The following MFGE8 variants were observed in gnomAD, a reference collection of about 807,000 sequenced individuals.
MFGE8 encodes lactadherin.
A neutral mutation model predicts 42.6 loss-of-function variants in MFGE8; 34 were observed. That is an observed-to-expected ratio of 0.80 (90% CI 0.61 to 1.06). The LOEUF is 1.06. Ranked by LOEUF, MFGE8 falls within the 50% of genes least tolerant of loss-of-function variation. The pLI is 0.00. For missense variants in MFGE8, 510 were observed against 516.9 expected, an observed-to-expected ratio of 0.99 and a Z score of 0.13; for synonymous variants, 230 against 214.8, an observed-to-expected ratio of 1.07 and a Z score of -0.62.
chr15:88,905,849 G>T lies in MFGE8; in HGVS notation c.593C>A (p.Thr198Asn), dbSNP rs201870481. 6.2e-7 allele frequency: 1 copy of T among 1,614,196 alleles called. No homozygotes were observed. The highest frequency in any genetic ancestry group is 8.5e-7 in the Non-Finnish European group (1 of 1,180,030). The change falls in exon 5 of 8, where the codon ACC (threonine) becomes AAC (asparagine). Residue 198 changes from threonine to asparagine, a missense_variant. Thr to Asn is a moderately conservative substitution (Grantham distance 65). Coordinates refer to ENST00000268150, the MANE Select transcript of MFGE8 (RefSeq NM_005928.4). The surrounding 1 kb of genome is among the most constrained non-coding windows in gnomAD (Gnocchi z 6.6). ...TCTCACGTACTGAGCCTCCACAGGG[G>T]TCTCAAACAGGTTGACATGCACCGC... Reference protein sequence around the residue: ...KNAVHVNLFETPVEAQYVRLY... With the variant: ...KNAVHVNLFENPVEAQYVRLY...
In MFGE8 at chr15:88,903,735, T is replaced by G. The variant is rs1898537824; in HGVS notation, c.686-2000A>C. On this transcript the variant is annotated intron_variant, in intron 5 of 7. Coordinates refer to ENST00000268150, the MANE Select transcript of MFGE8 (RefSeq NM_005928.4). The surrounding 1 kb of genome is among the most constrained non-coding windows in gnomAD (Gnocchi z 4.9). ...GATCTCCTGACCTCAGGTGATCCGC[T>G]CGCCTCGGCCTCCCAAAGTGCTGGG... 6.6e-6 allele frequency: 1 copy of G among 152,168 alleles called. No individual in the cohort carries two copies. The allele number at this position is 152,168 out of a possible 1,614,324, so 9.4% of individuals were successfully genotyped here. A position where few individuals can be genotyped will look rare whatever the true frequency, so the allele number is the denominator to read the frequency against.
At chr15:88,912,747 G>A (rs1899025990) in intron 1 of MFGE8, 1 of 985,354 alleles carries the variant, frequency 1.0e-6, no homozygotes, top group African/African-American at 1.7e-5. Context: ...CCGACTCCCC[G>A]GCCCTTCCCT....
rs1427835660 is a variant in MFGE8 at position 88,909,809 on chromosome 15, C to T, written c.188G>A (p.Gly63Asp). 5 of 1,614,082 alleles carry T rather than the reference C, an allele frequency of 3.1e-6. No homozygotes were observed. In the Admixed American group the frequency reaches 6.7e-5, roughly 22 times the overall value. Reference sequence around the variant, plus strand: ...ATACTCACTCGTCTCACAGTGGTTGCCCGCGTAGCCCTTAAGGCACGTGCA... The same window carrying T: ...ATACTCACTCGTCTCACAGTGGTTGTCCGCGTAGCCCTTAAGGCACGTGCA... ...YTCTCLKGYA[G>D]NHCETKCVEP... is the part of the protein sequence containing the mutation. Residue 63 changes from glycine to aspartate, a missense_variant, in exon 2 of 8, where the codon GGC becomes GAC. Coordinates refer to ENST00000268150, the MANE Select transcript of MFGE8 (RefSeq NM_005928.4).
chr15:88,908,726 C>T lies in MFGE8; in HGVS notation c.205+1066G>A, dbSNP rs144828080. The stretch of plus-strand genomic sequence containing the variant: ...CCCAGGGCTCTGATTGCCTTAGCAA[C>T]CCGTCCGCCAAACCATACACACACC... On this transcript the variant is annotated intron_variant, in intron 2 of 7. Transcript: ENST00000268150. 1.6e-3 allele frequency among the ~76,000 whole-genome samples: 246 copies of T among 152,304 alleles called. 1 individual carries two copies. The highest frequency in any genetic ancestry group is 0.014 in the East Asian group (74 of 5,174).
chr15:88,906,876 G>T lies in MFGE8; in HGVS notation c.388-98C>A. On this transcript the variant is annotated intron_variant, in intron 3 of 7. Transcript: ENST00000268150. The surrounding 1 kb of genome is among the most constrained non-coding windows in gnomAD (Gnocchi z 4.2). ...CCCTTCACTCCCCCACTGGGTGGGGGAACAACTCAAGCAAAACAGAGGAGG... is the reference window on the plus strand; with the variant it reads ...CCCTTCACTCCCCCACTGGGTGGGGTAACAACTCAAGCAAAACAGAGGAGG... 1 of 1,478,602 alleles carries T rather than the reference G, an allele frequency of 6.8e-7. No homozygotes were observed. The highest frequency in any genetic ancestry group is 9.4e-7 in the Non-Finnish European group (1 of 1,064,100). The allele number at this position is 1,478,602 out of a possible 1,614,324, so 91.6% of individuals were successfully genotyped here.
rs555536294 is a variant in MFGE8, at chr15:88,902,614, G to C, written c.686-879C>G. 6.6e-6 allele frequency: 1 copy of C among 152,294 alleles called. No individual in the cohort carries two copies. Among genetic ancestry groups the C allele is most frequent in the South Asian group, 2.1e-4 (1 of 4,836 alleles). The allele number at this position is 152,294 out of a possible 1,614,324, so 9.4% of individuals were successfully genotyped here. ...CACACAGGCCTGTGAGGGCTGGCCC[G>C]GGAAGCTGGCCTTTGTTTCACTCAG... On this transcript the variant is annotated intron_variant, in intron 5 of 7. Coordinates refer to ENST00000268150, the MANE Select transcript of MFGE8 (RefSeq NM_005928.4). The surrounding 1 kb of genome is among the most constrained non-coding windows in gnomAD (Gnocchi z 4.3).
Position 88,907,333 on chromosome 15 carries a change from G to T in MFGE8, c.249C>A (p.Asn83Lys). 6.2e-7 allele frequency: 1 copy of T among 1,614,200 alleles called. No homozygotes were observed. The highest frequency in any genetic ancestry group is 8.5e-7 in the Non-Finnish European group (1 of 1,180,022). ...PLGLENGNIA[N>K]SQIAASSVRV... ...GCACAGACGAGGCGGCGATCTGTGA[G>T]TTGGCAATGTTCCCATTCTCCAGGC... The change falls in exon 3 of 8, where the codon AAC (asparagine) becomes AAA (lysine). Residue 83 changes from asparagine (N) to lysine (K), a missense_variant. Asn to Lys is a moderately conservative substitution (Grantham distance 94). Transcript: ENST00000268150.
intron 6 of MFGE8, among the ~76,000 whole-genome samples, chr15:88,901,018 C>CAT (rs1270610074): frequency 8.0e-6 from 1 of 124,788 alleles, no homozygotes; most frequent in African/African-American, 3.0e-5. Context: ...CACACACACA[C>CAT]ATTCTCACAC....
intron 6 of MFGE8, among the ~76,000 whole-genome samples, chr15:88,900,102 C>T (rs1898289437): frequency 6.6e-6 from 1 of 152,028 alleles, no homozygotes; most frequent in African/African-American, 2.4e-5. Context: ...ATTAGCTGGG[C>T]ATGATGGTGG....
rs1185775143 is a variant in MFGE8 at position 88,905,151 on chromosome 15, T to C, written c.685+606A>G. 2.0e-5 allele frequency among the ~76,000 whole-genome samples: 3 copies of C among 152,192 alleles called. No homozygotes were observed. The highest frequency in any genetic ancestry group is 4.4e-5 in the Non-Finnish European group (3 of 68,034). On this transcript the variant is annotated intron_variant, in intron 5 of 7. Coordinates refer to ENST00000268150, the MANE Select transcript of MFGE8 (RefSeq NM_005928.4). This position sits in a 1 kb window ranked among gnomAD's most constrained non-coding sequence, Gnocchi z 6.6. Reference sequence around the variant, plus strand: ...CAGGAAGCACCAGCTCCAAGCCCTGTGGTCCAAGAAGCCCCTGTGTTTCTC... The same window carrying C: ...CAGGAAGCACCAGCTCCAAGCCCTGCGGTCCAAGAAGCCCCTGTGTTTCTC...
chr15:88,912,584 G>A (rs894823591), intron 1 of MFGE8: 42 of 985,268 alleles, frequency 4.3e-5, no homozygotes, highest in Admixed American at 1.2e-4. Context: ...GGCCTCCTGG[G>A]AGGCGGAGGA....
intron 1 of MFGE8, chr15:88,910,197 G>C: frequency 2.5e-6 from 1 of 404,718 alleles, no homozygotes; most frequent in Non-Finnish European, 4.7e-6. Flanking sequence ...AATGGCAGTG[G>C]TGCTGGGGAC....
chr15:88,901,517 A>AAACCCAAAAAGCGGGCC, intron 6 of MFGE8, 34 bp downstream of exon 6: 2 of 1,072,614 alleles, frequency 1.9e-6, no homozygotes, highest in African/African-American at 1.6e-5. Flanking sequence ...ATCCCACCCA[A>AAACCCAAAAAGCGGGCC]CCCCAGCCCC....
At position 88,905,713 on chromosome 15, in the gene MFGE8, G is replaced by C; in HGVS notation, c.685+44C>G. The C allele has an allele frequency of 6.2e-7, 1 of 1,612,876 alleles. No homozygotes were observed. The highest frequency in any genetic ancestry group is 8.5e-7 in the Non-Finnish European group (1 of 1,179,632). ...AGGCAGCAGGGAGGGCCACCTCCTAGGATTGGCCAACAGTGCCCCCCTACC... is the reference window on the plus strand; with the variant it reads ...AGGCAGCAGGGAGGGCCACCTCCTACGATTGGCCAACAGTGCCCCCCTACC... On this transcript the variant is annotated intron_variant, in intron 5 of 7. Coordinates refer to ENST00000268150, the MANE Select transcript of MFGE8 (RefSeq NM_005928.4). This position sits in a 1 kb window ranked among gnomAD's most constrained non-coding sequence, Gnocchi z 6.6.
At position 88,907,220 on chromosome 15, in the gene MFGE8, C is replaced by T. The variant is rs148576512; in HGVS notation, c.362G>A (p.Ser121Asn). The change falls in exon 3 of 8, where the codon AGC becomes AAC. Residue 121 changes from serine (S) to asparagine (N), a missense_variant. Coordinates refer to ENST00000268150, the MANE Select transcript of MFGE8 (RefSeq NM_005928.4). ...AGMVNAWTPS[S>N]NDDNPWIQVN... The stretch of plus-strand genomic sequence containing the variant: ...CTGGATCCAGGGGTTATCGTCATTG[C>T]TGCTGGGTGTCCAGGCATTGACCAT... 2 of 1,613,960 alleles carry T rather than the reference C, an allele frequency of 1.2e-6. No individual in the cohort carries two copies. Among genetic ancestry groups the T allele is most frequent in the East Asian group, 2.2e-5 (1 of 44,864 alleles).
intron 1 of MFGE8, chr15:88,910,871 C>T (rs529871703): frequency 3.3e-5 from 5 of 152,230 alleles, no homozygotes; most frequent in African/African-American, 1.2e-4. Flanking sequence ...TTCCTTCACC[C>T]TCCTCACCAT....
At chr15:88,901,108 TTC>T (rs1567214304) in intron 6 of MFGE8, among the ~76,000 whole-genome samples, 2 of 72,138 alleles carry the variant, frequency 2.8e-5, no homozygotes, top group South Asian at 9.9e-4. Flanking sequence ...CAAATACACA[TTC>T]ACACATACAC....
At chr15:88,909,448 C>A (rs557858444) in intron 2 of MFGE8, among the ~76,000 whole-genome samples, 1 of 152,310 alleles carries the variant, frequency 6.6e-6, no homozygotes, top group East Asian at 1.9e-4. Flanking sequence ...TGCAACTTAA[C>A]CCTAATGCTG....
chr15:88,899,545 C>T lies in MFGE8; in HGVS notation c.1027-13G>A, dbSNP rs770656810. 14 of 1,613,962 alleles carry T rather than the reference C, an allele frequency of 8.7e-6. No homozygotes were observed. Among genetic ancestry groups the T allele is most frequent in the Admixed American group, 1.7e-5 (1 of 59,994 alleles). On this transcript the variant is annotated splice_polypyrimidine_tract_variant and intron_variant, in intron 7 of 7. Transcript: ENST00000268150. The surrounding 1 kb of genome is among the most constrained non-coding windows in gnomAD (Gnocchi z 6.8). Reference sequence around the variant, plus strand: ...TGCCAGGGAAGATCTAGAGGCAGAGCGGGTGTCAGGAGGACCCCGAGCCAG... The same window carrying T: ...TGCCAGGGAAGATCTAGAGGCAGAGTGGGTGTCAGGAGGACCCCGAGCCAG...
Sources: allele counts gnomAD v4.1 joint callset (sites outside exome capture counted in the v4.1 genomes callset), GRCh38; gene constraint gnomAD v4.1.1; non-coding constraint Gnocchi (gnomAD v3.1); transcripts MANE v1.5; gene names NCBI Gene and HGNC (gene_info 2026-07-23, HGNC 2026-07-21).